The following PIK3C2B variants were observed in gnomAD, a reference collection of about 807,000 sequenced individuals.
PIK3C2B encodes the protein phosphatidylinositol-4-phosphate 3-kinase catalytic subunit type 2 beta, also known as phosphatidylinositol 4-phosphate 3-kinase C2 domain-containing subunit beta.
Under a neutral mutation model 184.3 loss-of-function variants are expected in PIK3C2B, and 83 were observed. That is an observed-to-expected ratio of 0.45 (90% CI 0.38 to 0.54). The LOEUF is 0.54. PIK3C2B is among the 20% of genes least tolerant of loss of function. The pLI, the probability that PIK3C2B is intolerant of heterozygous loss-of-function variation, is 0.00. For missense variants in PIK3C2B, 1,736 were observed against 2,113.5 expected (o/e 0.82, Z 3.50); for synonymous variants, 779 against 837.6 (o/e 0.93, Z 1.21).
At position 204,445,990 on chromosome 1, in the gene PIK3C2B, T is replaced by G. The variant is rs1457849297; in HGVS notation, c.2644A>C (p.Asn882His). 1.3e-6 allele frequency: 2 copies of G among 1,570,932 alleles called. No individual in the cohort carries two copies. Among genetic ancestry groups the G allele is most frequent in the East Asian group, 4.6e-5 (2 of 43,686 alleles). The change falls in exon 16 of 33, where the codon AAC becomes CAC. Residue 882 changes from asparagine (N) to histidine (H), a missense_variant. Physicochemically the swap from Asn to His is moderately conservative, Grantham distance 68 (BLOSUM62 1). This residue lies in a region of PIK3C2B where 609 missense variants were observed against 699.2 expected (regional missense o/e 0.87). Transcript: ENST00000684373. ...YVLLKQWTHM[N>H]HQDALGLLHA... ...AGGAGCCCCAGGGCATCCTGGTGGTTCATGTGGGTCCACTGCTTCAGGAGA... is the reference window on the plus strand; with the variant it reads ...AGGAGCCCCAGGGCATCCTGGTGGTGCATGTGGGTCCACTGCTTCAGGAGA...
Position 204,423,568 on chromosome 1 carries a change from A to C in PIK3C2B, c.*1284T>G, listed in dbSNP as rs1407888842. ...CTCCAGGGGAATAATCACCACTCCA[A>C]TCCAGCCTCCTACTGACCAAAGAAA... On this transcript the variant is annotated 3_prime_UTR_variant, in exon 33 of 33. Coordinates refer to ENST00000684373, the MANE Select transcript of PIK3C2B (RefSeq NM_001377334.1). 1 of 152,670 alleles carries C rather than the reference A, an allele frequency of 6.6e-6. No individual in the cohort carries two copies. Among genetic ancestry groups the C allele is most frequent in the Non-Finnish European group, 1.5e-5 (1 of 68,104 alleles). 9.5% of individuals were successfully genotyped at this position (152,670 alleles called of 1,614,324 possible).
intron 28 of PIK3C2B, among the ~76,000 whole-genome samples, chr1:204,430,933 C>A (rs545931171): frequency 6.6e-6 from 1 of 152,182 alleles, no homozygotes; most frequent in Non-Finnish European, 1.5e-5. Flanking sequence ...GGATTACAGG[C>A]GTGAACCACT....
At chr1:204,486,789 C>T (rs1482271948) in intron 1 of PIK3C2B, among the ~76,000 whole-genome samples, 2 of 152,022 alleles carry the variant, frequency 1.3e-5, no homozygotes, top group Admixed American at 1.3e-4. Context: ...TTTTAAGTAA[C>T]ATCCTTCATT....
intron 29 of PIK3C2B, 74 bp downstream of exon 29, chr1:204,429,847 G>T (rs1036843097): frequency 5.3e-6 from 5 of 949,674 alleles, no homozygotes; most frequent in South Asian, 1.3e-5. Flanking sequence ...TAGTGCCTCC[G>T]GATGCTTCCA....
intron 20 of PIK3C2B, 84 bp from the exon 21 acceptor site, chr1:204,441,647 G>A: frequency 1.2e-6 from 1 of 807,850 alleles, no homozygotes; most frequent in East Asian, 2.6e-5. Context: ...AGACCAAGAT[G>A]CTGCCTCCCC....
Position 204,469,888 on chromosome 1 carries a change from T to C in PIK3C2B, c.-84-2A>G. On this transcript the variant is annotated splice_acceptor_variant, in intron 1 of 32. Transcript: ENST00000684373. LOFTEE classifies it low-confidence loss of function (5UTR_SPLICE). ...GGTTGTGACATGGTGTCTGGGCGCC[T>C]GCAGGTGAGGGGTAAAAATATCAAT... 1.3e-6 allele frequency: 1 copy of C among 797,952 alleles called. No individual in the cohort carries two copies. Among genetic ancestry groups the C allele is most frequent in the Non-Finnish European group, 2.1e-6 (1 of 474,394 alleles). 49.4% of individuals were successfully genotyped at this position (797,952 alleles called of 1,614,324 possible).
At chr1:204,472,565 G>A (rs1656380820) in intron 1 of PIK3C2B, among the ~76,000 whole-genome samples, 2 of 151,980 alleles carry the variant, frequency 1.3e-5, no homozygotes, top group African/African-American at 4.8e-5. Flanking sequence ...GATCACCTGA[G>A]GTCAGGAGTT....
intron 5 of PIK3C2B, among the ~76,000 whole-genome samples, chr1:204,462,728 A>G (rs1655434544): frequency 1.3e-5 from 2 of 152,168 alleles, no homozygotes; most frequent in African/African-American, 2.4e-5. Context: ...GGCAGAGGCC[A>G]GAAAGGACCC....
Position 204,469,027 on chromosome 1 carries a change from C to A in PIK3C2B, c.776G>T (p.Gly259Val), listed in dbSNP as rs61731184. ...TTTGCTGAAGTCCAGCGGCCCTCGGCCCTCCTTCCAGCCCCTGGTGGCATC... is the reference window on the plus strand; with the variant it reads ...TTTGCTGAAGTCCAGCGGCCCTCGGACCTCCTTCCAGCCCCTGGTGGCATC... The part of the protein sequence containing the change: ...LRDATRGWKE[G>V]RGPLDFSKDT... The change falls in exon 2 of 33, where the codon GGC becomes GTC. Residue 259 changes from glycine to valine, a missense_variant. By Grantham distance (109) the Gly-to-Val change is moderately radical (BLOSUM62 -3). Transcript: ENST00000684373. 61 of 1,614,088 alleles carry A rather than the reference C, an allele frequency of 3.8e-5. No homozygotes were observed. The Admixed American group carries it at 1.0e-3, about 27-fold the overall frequency.
intron 1 of PIK3C2B, among the ~76,000 whole-genome samples, chr1:204,493,751 G>C (rs929906404): frequency 6.6e-6 from 1 of 152,140 alleles, no homozygotes; most frequent in African/African-American, 2.4e-5. Flanking sequence ...GAAAATGAGG[G>C]ACAAGTATAG....
At chr1:204,445,443 A>G (rs1303258388) in intron 16 of PIK3C2B, among the ~76,000 whole-genome samples, 2 of 152,016 alleles carry the variant, frequency 1.3e-5, no homozygotes, top group Non-Finnish European at 1.5e-5. Context: ...AAAAATTTTA[A>G]AAATTAGTCA....
chr1:204,464,284 T>C, intron 4 of PIK3C2B, 152 bp from the exon 5 acceptor site: 1 of 1,145,718 alleles, frequency 8.7e-7, no homozygotes. Flanking sequence ...TTGAGGAAAG[T>C]GACTGTACTA....
intron 7 of PIK3C2B, 144 bp from the exon 8 acceptor site, chr1:204,460,085 T>G (rs5013459): frequency 0.97 from 681,088 of 705,386 alleles, 330,556 homozygotes; most frequent in Non-Finnish European, 1. Flanking sequence ...TGTGAAGACA[T>G]ATAGAGGGAG....
chr1:204,468,369 T>C (rs929053858), intron 2 of PIK3C2B, among the ~76,000 whole-genome samples: 1 of 152,118 alleles, frequency 6.6e-6, no homozygotes, highest in Non-Finnish European at 1.5e-5. Flanking sequence ...CTTTGGACTA[T>C]CAGGAAGGGT....
chr1:204,432,296 G>A lies in PIK3C2B; in HGVS notation c.4059C>T (p.Ser1353=), dbSNP rs2103470072. ...FTGSDDRLTL[S]FASRTHTLKS... Reference sequence around the variant, plus strand: ...TGAGAGTGTGTGTTCGGGAGGCAAAGGAGAGGGTCAGCCGGTCATCTGAGC... The same window carrying A: ...TGAGAGTGTGTGTTCGGGAGGCAAAAGAGAGGGTCAGCCGGTCATCTGAGC... Residue 1353 remains serine (S), a synonymous_variant, in exon 27 of 33, where the codon TCC becomes TCT. Coordinates refer to ENST00000684373, the MANE Select transcript of PIK3C2B (RefSeq NM_001377334.1). The A allele has an allele frequency of 6.2e-7, 1 of 1,614,158 alleles. No homozygotes were observed. Among genetic ancestry groups the A allele is most frequent in the African/African-American group, 1.3e-5 (1 of 75,038 alleles).
intron 1 of PIK3C2B, among the ~76,000 whole-genome samples, chr1:204,474,583 G>A (rs1032007544): frequency 2.0e-5 from 3 of 151,694 alleles, no homozygotes; most frequent in Admixed American, 1.3e-4. Context: ...TTTTTTTCTT[G>A]TTCTCCATCT....
chr1:204,456,335 T>C, intron 10 of PIK3C2B: 1 of 281,722 alleles, frequency 3.5e-6, no homozygotes, highest in Non-Finnish European at 6.6e-6. Flanking sequence ...GGAAACAGTG[T>C]TAATAATTAT....
At position 204,457,022 on chromosome 1, in the gene PIK3C2B, G is replaced by T. The variant is rs1443374626; in HGVS notation, c.1747+15C>A. On this transcript the variant is annotated intron_variant, in intron 10 of 32. Coordinates refer to ENST00000684373, the MANE Select transcript of PIK3C2B (RefSeq NM_001377334.1). ...GGCAGCCCGACTGGATGAAGATGGA[G>T]AGCAGTTCCCTTACCTCGGTTTTCC... is the stretch of plus-strand genomic sequence containing the variant. 1 of 1,564,138 alleles carries T rather than the reference G, an allele frequency of 6.4e-7. No individual in the cohort carries two copies. The highest frequency in any genetic ancestry group is 1.2e-5 in the South Asian group (1 of 85,022).
intron 23 of PIK3C2B, chr1:204,435,823 G>A: frequency 6.6e-6 from 1 of 152,064 alleles, no homozygotes; most frequent in Non-Finnish European, 1.5e-5. Context: ...AACTAAGAAT[G>A]GAAAGGTTAT....
Sources: allele counts gnomAD v4.1 joint callset (sites outside exome capture counted in the v4.1 genomes callset), GRCh38; gene constraint gnomAD v4.1.1; regional missense constraint gnomAD v4.1.1; transcripts MANE v1.5; gene names NCBI Gene and HGNC (gene_info 2026-07-23, HGNC 2026-07-21).